MCM7: variants seen among roughly 807,000 people sequenced by gnomAD.
The protein encoded by MCM7 is DNA replication licensing factor MCM7.
A neutral mutation model predicts 83.5 loss-of-function variants in MCM7; 95 were observed. That is an observed-to-expected ratio of 1.14 (90% CI 0.96 to 1.35). The LOEUF is 1.35. MCM7 is among the 40% of genes most tolerant of loss of function. The probability of loss-of-function intolerance (pLI) is 0.00; values close to 1 mark genes in which losing one functional copy is unlikely to be tolerated. For synonymous variants in MCM7, 461 were observed against 352.7 expected (o/e 1.31, Z -3.44); for missense variants, 1,087 against 957.4 (o/e 1.14, Z -1.79).
chr7:100,093,385 A>G lies in MCM7; in HGVS notation c.1865T>C (p.Val622Ala). ...LSTALARLRM[V>A]DVVEKEDVNE... ...CACATCTTCTTTCTCCACCACATCCACCATTCTCAGACGTGCCTAAGGGGA... is the reference window on the plus strand; with the variant it reads ...CACATCTTCTTTCTCCACCACATCCGCCATTCTCAGACGTGCCTAAGGGGA... The change falls in exon 14 of 15, where the codon GTG becomes GCG. Residue 622 changes from valine to alanine, a missense_variant. Coordinates refer to ENST00000303887, the MANE Select transcript of MCM7 (RefSeq NM_005916.5). 6.2e-7 allele frequency: 1 copy of G among 1,613,812 alleles called. No homozygotes were observed. The highest frequency in any genetic ancestry group is 8.5e-7 in the Non-Finnish European group (1 of 1,179,912).
chr7:100,094,280 T>C lies in MCM7; in HGVS notation c.1741A>G (p.Ile581Val), dbSNP rs1296799025. ...CTCATCTCCACGTATGCTGCTGTGA[T>C]GTAGTCAGCCAGAGACTCTGGCACC... ...PMVPESLADY[I>V]TAAYVEMRRE... is the part of the protein sequence containing the mutation. Residue 581 changes from isoleucine to valine, a missense_variant, in exon 13 of 15, where the codon ATC becomes GTC. Ile to Val is a conservative substitution (Grantham distance 29). Coordinates refer to ENST00000303887, the MANE Select transcript of MCM7 (RefSeq NM_005916.5). 1.1e-5 allele frequency: 18 copies of C among 1,614,048 alleles called. No individual in the cohort carries two copies. Among genetic ancestry groups the C allele is most frequent in the Non-Finnish European group, 1.4e-5 (16 of 1,180,040 alleles).
chr7:100,097,232 T>C (rs1207444046), intron 10 of MCM7, 69 bp downstream of exon 10: 1 of 1,397,964 alleles, frequency 7.2e-7, no homozygotes, highest in African/African-American at 1.4e-5. Flanking sequence ...CATGCACCCC[T>C]ACTTTTTGAA....
chr7:100,094,064 G>A, intron 13 of MCM7, 109 bp downstream of exon 13: 3 of 1,389,126 alleles, frequency 2.2e-6, no homozygotes, highest in Non-Finnish European at 3.1e-6. Context: ...CAGCACTTTA[G>A]CCCCGGCAGG....
rs1225703261 is a variant in MCM7 at position 100,092,771 on chromosome 7, G to T, written c.*161C>A. On this transcript the variant is annotated 3_prime_UTR_variant, in exon 15 of 15. Transcript: ENST00000303887. ...CTGTTTTAATGGAAGTCAGGCCCAG[G>T]CTAGAAGATGACAATCTACAAACAC... 8 of 731,334 alleles carry T rather than the reference G, an allele frequency of 1.1e-5. No individual in the cohort carries two copies. Among genetic ancestry groups the T allele is most frequent in the Admixed American group, 2.9e-5 (1 of 34,926 alleles). 45.3% of individuals were successfully genotyped at this position (731,334 alleles called of 1,614,324 possible).
chr7:100,092,806 C>G lies in MCM7; in HGVS notation c.*126G>C, dbSNP rs1795382881. 1.0e-6 allele frequency: 1 copy of G among 962,282 alleles called. No homozygotes were observed. Among genetic ancestry groups the G allele is most frequent in the African/African-American group, 1.6e-5 (1 of 60,966 alleles). 59.6% of individuals were successfully genotyped at this position (962,282 alleles called of 1,614,324 possible). A position where few individuals can be genotyped will look rare whatever the true frequency, so the allele number is the denominator to read the frequency against. On this transcript the variant is annotated 3_prime_UTR_variant, in exon 15 of 15. Coordinates refer to ENST00000303887, the MANE Select transcript of MCM7 (RefSeq NM_005916.5). ...GACAATCTACAAACACTTTTATTAGCAAAAGGAGTAAGTGCAGCATGGGAG... is the reference window on the plus strand; with the variant it reads ...GACAATCTACAAACACTTTTATTAGGAAAAGGAGTAAGTGCAGCATGGGAG...
chr7:100,096,259 C>T (rs1433923772), intron 10 of MCM7, 92 bp from the exon 11 acceptor site: 8 of 1,300,442 alleles, frequency 6.2e-6, no homozygotes, highest in South Asian at 1.6e-5. Flanking sequence ...GCGAGGCCTG[C>T]GCTGGGATCA....
intron 13 of MCM7, chr7:100,093,882 G>T: frequency 3.0e-6 from 2 of 666,772 alleles, no homozygotes; most frequent in Non-Finnish European, 5.8e-6. Context: ...AGAAAGGAAG[G>T]TCTGTAGCAC....
At chr7:100,094,641 G>C (rs17447273) in intron 12 of MCM7, among the ~76,000 whole-genome samples, 6,066 of 152,178 alleles carry the variant, frequency 0.04, 124 homozygotes, top group Middle Eastern at 0.068. Flanking sequence ...TCCTCTGAGC[G>C]CATGACATGG....
chr7:100,098,699 A>G lies in MCM7; in HGVS notation c.599T>C (p.Phe200Ser). 1.2e-6 allele frequency: 2 copies of G among 1,614,156 alleles called. No homozygotes were observed. The highest frequency in any genetic ancestry group is 2.2e-5 in the East Asian group (1 of 44,880). The part of the protein sequence containing the change: ...ETYQPIQSPT[F>S]MPLIMCPSQE... ...GCTTGGGCACATGATCAGAGGCATG[A>G]AAGTGGGAGACTGGATCTAGGATGT... Residue 200 changes from phenylalanine to serine, a missense_variant, in exon 6 of 15, where the codon TTC (phenylalanine) becomes TCC (serine). By Grantham distance (155) the Phe-to-Ser change is radical. Transcript: ENST00000303887.
intron 10 of MCM7, among the ~76,000 whole-genome samples, chr7:100,097,013 A>G (rs1795672580): frequency 6.6e-6 from 1 of 152,146 alleles, no homozygotes; most frequent in East Asian, 1.9e-4. Context: ...AGGCAGGAGA[A>G]TGGCGTGACC....
chr7:100,100,688 C>T (rs1795947407), intron 1 of MCM7: 4 of 990,124 alleles, frequency 4.0e-6, no homozygotes, highest in South Asian at 8.9e-5. Context: ...CTCCGGATCC[C>T]AGGCACGCCC....
rs183616578 is a variant in MCM7 at position 100,097,804 on chromosome 7, G to A, written c.985+30C>T. 2.5e-3 allele frequency: 4,087 copies of A among 1,613,904 alleles called. 12 individuals are homozygous for A. Among genetic ancestry groups the A allele is most frequent in the Non-Finnish European group, 2.7e-3 (3,229 of 1,179,860 alleles). On this transcript the variant is annotated intron_variant, in intron 8 of 14. Coordinates refer to ENST00000303887, the MANE Select transcript of MCM7 (RefSeq NM_005916.5). ...GGGAAAAGGGAGCTAGGATGTAAAC[G>A]GAATTTCCTCTCTCTCCCCTGCCCC...
At chr7:100,100,386 T>C in intron 1 of MCM7, 2 of 1,080,250 alleles carry the variant, frequency 1.9e-6, no homozygotes, top group Non-Finnish European at 1.1e-6. Flanking sequence ...CACACTCCGG[T>C]CTCAAGGTTC....
chr7:100,092,948 C>G lies in MCM7; in HGVS notation c.2144G>C (p.Arg715Pro), dbSNP rs758843798. The G allele has an allele frequency of 6.2e-7, 1 of 1,614,178 alleles. No homozygotes were observed. Among genetic ancestry groups the G allele is most frequent in the Non-Finnish European group, 8.5e-7 (1 of 1,180,036 alleles). The change falls in exon 15 of 15, where the codon CGG becomes CCG. Residue 715 changes from arginine to proline, a missense_variant. Transcript: ENST00000303887. ...AGGCTGGAATCAGACAAAAGTGATC[C>G]GTGTCCGGGAAGCATTGACCTGCCA... is the stretch of plus-strand genomic sequence containing the variant. ...NVWQVNASRT[R>P]ITFV
In MCM7 at chr7:100,101,386, C is replaced by A; in HGVS notation, c.-92G>T. The A allele has an allele frequency of 1.9e-6, 3 of 1,566,800 alleles. No homozygotes were observed. In the South Asian group the frequency reaches 3.3e-5, roughly 17 times the overall value. On this transcript the variant is annotated 5_prime_UTR_variant, in exon 1 of 15. Transcript: ENST00000303887. ...TCTCCGCGCGGTGGACTGTGGCCGG[C>A]CAACCGAAATTGGCGCGAAACGTCG...
rs753971138 is a variant in MCM7 at position 100,096,121 on chromosome 7, T to G, written c.1248A>C (p.Ala416=). The G allele has an allele frequency of 6.2e-7, 1 of 1,613,638 alleles. No homozygotes were observed. The highest frequency in any genetic ancestry group is 1.1e-5 in the South Asian group (1 of 90,998). ...GRGSSGVGLT[A]AVLRDSVSGE... Reference sequence around the variant, plus strand: ...CACTCACGGAGTCTCTCAGCACAGCTGCCGTAAGCCCCACTCCTGAGGAGC... The same window carrying G: ...CACTCACGGAGTCTCTCAGCACAGCGGCCGTAAGCCCCACTCCTGAGGAGC... The change falls in exon 11 of 15, where the codon GCA becomes GCC. Residue 416 remains alanine (A), a synonymous_variant. Coordinates refer to ENST00000303887, the MANE Select transcript of MCM7 (RefSeq NM_005916.5).
chr7:100,094,124 C>A (rs2307351), intron 13 of MCM7, 49 bp downstream of exon 13: 1 of 1,610,238 alleles, frequency 6.2e-7, no homozygotes, highest in Non-Finnish European at 8.5e-7. Flanking sequence ...TAAGGAGCTA[C>A]CCCTTTAAGG....
chr7:100,093,532 C>T (rs750677044), intron 13 of MCM7, 131 bp from the exon 14 acceptor site: 3 of 843,026 alleles, frequency 3.6e-6, no homozygotes, highest in Non-Finnish European at 6.3e-6. Context: ...GAGTGGAATC[C>T]CCCCTCCCCC....
intron 13 of MCM7, 168 bp from the exon 14 acceptor site, chr7:100,093,569 T>C (rs200616968): frequency 2.5e-6 from 2 of 786,506 alleles, no homozygotes; most frequent in Middle Eastern, 2.3e-4. Context: ...GGGCCGGCAC[T>C]GTCAGACCGA....
Sources: gnomAD v4.1 joint callset for allele counts (sites outside exome capture counted in the v4.1 genomes callset) on GRCh38, gnomAD v4.1.1 for gene constraint, MANE v1.5 for transcripts, NCBI Gene and HGNC (gene_info 2026-07-23, HGNC 2026-07-21) for gene names.